CERS6: variants seen among roughly 807,000 people sequenced by gnomAD.
CERS6 encodes the protein LAG1 homolog, ceramide synthase 6.
In CERS6, 26 loss-of-function variants were observed where a neutral mutation model predicts 56.8. That is an observed-to-expected ratio of 0.46 (90% CI 0.34 to 0.63). The LOEUF is 0.63. Among genes scored for constraint, CERS6 ranks in the 30% least tolerant of loss-of-function variants. CERS6 has a pLI of 0.01. For missense variants in CERS6, 415 were observed against 467.5 expected (o/e 0.89, Z 1.04); for synonymous variants, 164 against 173.3 (o/e 0.95, Z 0.42).
At chr2:168,557,974 G>A (rs1247460422) in intron 2 of CERS6, among the ~76,000 whole-genome samples, 4 of 151,998 alleles carry the variant, frequency 2.6e-5, no homozygotes, top group Non-Finnish European at 5.9e-5. Context: ...AAAATAGGCA[G>A]TAGATATGAA....
At chr2:168,579,690 T>C (rs1683361616) in intron 3 of CERS6, among the ~76,000 whole-genome samples, 1 of 152,128 alleles carries the variant, frequency 6.6e-6, no homozygotes, top group African/African-American at 2.4e-5. Flanking sequence ...ATGAGAGCCC[T>C]CCCCGTCTCT....
chr2:168,584,184 A>G (rs1353693850), intron 3 of CERS6, among the ~76,000 whole-genome samples: 2 of 152,230 alleles, frequency 1.3e-5, no homozygotes, highest in African/African-American at 4.8e-5. Flanking sequence ...CCAAAGATGC[A>G]GGTATTGCTC....
intron 8 of CERS6, among the ~76,000 whole-genome samples, chr2:168,724,054 G>A (rs1683268674): frequency 6.6e-6 from 1 of 152,180 alleles, no homozygotes; most frequent in African/African-American, 2.4e-5. Context: ...CAAGAATGAA[G>A]CCGCGGACCC....
intron 6 of CERS6, among the ~76,000 whole-genome samples, chr2:168,700,392 G>A (rs758876203): frequency 5.3e-5 from 8 of 152,114 alleles, no homozygotes; most frequent in Middle Eastern, 3.2e-3. Flanking sequence ...TGTAGTGTAC[G>A]GTGCTTGACA....
intron 1 of CERS6, among the ~76,000 whole-genome samples, chr2:168,465,879 A>G (rs1287575729): frequency 2.0e-5 from 3 of 152,212 alleles, no homozygotes; most frequent in Non-Finnish European, 4.4e-5. Context: ...TTTTACCACA[A>G]TTAAAAAAAA....
Position 168,559,733 on chromosome 2 carries a change from T to TTTTATATATATATATATATATATATA in CERS6, c.277-1459_277-1458insTTTATATATATATATATATATATATA, listed in dbSNP as rs61031993. Among the ~76,000 whole-genome samples the TTTTATATATATATATATATATATATA allele has an allele frequency of 8.0e-4, 53 of 66,282 alleles. 4 individuals carry two copies. Among genetic ancestry groups the TTTTATATATATATATATATATATATA allele is most frequent in the African/African-American group, 1.8e-3 (37 of 20,202 alleles). 43.5% of individuals were successfully genotyped at this position (66,282 alleles called of 152,430 possible). ...TGCTTGAGCTGCTTTTAGAAAGGTA[T>TTTTATATATATATATATATATATATA]CATATATATATATATATATATTTCA... On this transcript the variant is annotated intron_variant, in intron 2 of 9. Coordinates refer to ENST00000305747, the MANE Select transcript of CERS6 (RefSeq NM_203463.3).
At chr2:168,693,511 C>G (rs1411169095) in intron 5 of CERS6, among the ~76,000 whole-genome samples, 1 of 152,026 alleles carries the variant, frequency 6.6e-6, no homozygotes, top group Non-Finnish European at 1.5e-5. Context: ...GAGCCAGGGC[C>G]CGATTTTCTA....
intron 3 of CERS6, among the ~76,000 whole-genome samples, chr2:168,629,451 A>G (rs1325440174): frequency 6.6e-6 from 1 of 152,202 alleles, no homozygotes; most frequent in Non-Finnish European, 1.5e-5. Context: ...TCCTTGAGGC[A>G]TCATTATAGC....
intron 3 of CERS6, among the ~76,000 whole-genome samples, chr2:168,577,243 G>T (rs1020975412): frequency 6.6e-6 from 1 of 152,188 alleles, no homozygotes; most frequent in African/African-American, 2.4e-5. Flanking sequence ...AAAGGAGGCT[G>T]TGAAGGAGAT....
chr2:168,482,770 T>A (rs531412147), intron 1 of CERS6, among the ~76,000 whole-genome samples: 1 of 152,358 alleles, frequency 6.6e-6, no homozygotes, highest in South Asian at 2.1e-4. Context: ...TTCTAGAAGC[T>A]CTGCAGGATG....
At chr2:168,540,556 A>G (rs1202894023) in intron 1 of CERS6, among the ~76,000 whole-genome samples, 1 of 152,236 alleles carries the variant, frequency 6.6e-6, no homozygotes, top group African/African-American at 2.4e-5. Context: ...TTAGGCGTGT[A>G]GTAGGCCATA....
chr2:168,709,792 C>G (rs1410008976), intron 6 of CERS6, among the ~76,000 whole-genome samples: 3 of 152,136 alleles, frequency 2.0e-5, no homozygotes, highest in Non-Finnish European at 4.4e-5. Context: ...TGGAAGTTTT[C>G]CACCCTGCAT....
At chr2:168,531,434 C>T (rs1695164513) in intron 1 of CERS6, among the ~76,000 whole-genome samples, 1 of 152,174 alleles carries the variant, frequency 6.6e-6, no homozygotes, top group Non-Finnish European at 1.5e-5. Flanking sequence ...TGGAGAAAGG[C>T]AGTTGGACCA....
chr2:168,512,199 C>G (rs1351065656), intron 1 of CERS6, among the ~76,000 whole-genome samples: 2 of 152,112 alleles, frequency 1.3e-5, no homozygotes, highest in Non-Finnish European at 2.9e-5. Flanking sequence ...TGGTTAGTTA[C>G]TATTTAGTGG....
At position 168,651,672 on chromosome 2, in the gene CERS6, C is replaced by A. The variant is rs1685343812; in HGVS notation, c.465+20630C>A. Among the ~76,000 whole-genome samples, 3 of 152,170 alleles carry A rather than the reference C, an allele frequency of 2.0e-5. No individual in the cohort carries two copies. The South Asian group carries it at 6.2e-4, about 32-fold the overall frequency. On this transcript the variant is annotated intron_variant, in intron 4 of 9. Coordinates refer to ENST00000305747, the MANE Select transcript of CERS6 (RefSeq NM_203463.3). ...AAGCATCAGATCTCATGAGAATTCA[C>A]TCAGTATCATGAGAGCAGCATGGGA...
At chr2:168,631,813 T>TTATTATATATTATATAATATA (rs1192302009) in intron 4 of CERS6, among the ~76,000 whole-genome samples, 2 of 123,872 alleles carry the variant, frequency 1.6e-5, no homozygotes, top group African/African-American at 5.9e-5. Flanking sequence ...ATTATATAAT[T>TTATTATATATTATATAATATA]TATTATATAT....
chr2:168,486,695 A>G (rs16855383), intron 1 of CERS6, among the ~76,000 whole-genome samples: 8,335 of 152,014 alleles, frequency 0.055, 336 homozygotes, highest in East Asian at 0.18. Flanking sequence ...GCAAATTTGT[A>G]GTACTTGCTT....
At chr2:168,671,955 A>T (rs11687166) in intron 4 of CERS6, among the ~76,000 whole-genome samples, 63,533 of 152,032 alleles carry the variant, frequency 0.42, 14,304 homozygotes, top group Non-Finnish European at 0.51. Flanking sequence ...TTGTCATTTA[A>T]CTCAATGATG....
At chr2:168,682,400 G>C (rs1171058230) in intron 4 of CERS6, among the ~76,000 whole-genome samples, 1 of 152,138 alleles carries the variant, frequency 6.6e-6, no homozygotes, top group African/African-American at 2.4e-5. Flanking sequence ...GGCATTTTTA[G>C]TGTGTGTGTC....
Sources: gnomAD v4.1 joint callset for allele counts (sites outside exome capture counted in the v4.1 genomes callset) on GRCh38, gnomAD v4.1.1 for gene constraint, MANE v1.5 for transcripts, NCBI Gene and HGNC (gene_info 2026-07-23, HGNC 2026-07-21) for gene names.